The following NCOA1 variants were observed in gnomAD, a reference collection of about 807,000 sequenced individuals.
The protein encoded by NCOA1 is nuclear receptor coactivator 1.
Under a neutral mutation model 150.9 loss-of-function variants are expected in NCOA1, and 35 were observed. That is an observed-to-expected ratio of 0.23 (90% CI 0.18 to 0.31). The LOEUF (loss-of-function observed/expected upper bound fraction) is 0.31. Among genes scored for constraint, NCOA1 ranks in the 10% least tolerant of loss-of-function variants. The pLI is 1.00. For synonymous variants in NCOA1, 590 were observed against 630.0 expected (o/e 0.94, Z 0.95); for missense variants, 1,491 against 1,749.3 (o/e 0.85, Z 2.63).
chr2:24,764,355 T>C (rs2148704052), intron 22 of NCOA1, among the ~76,000 whole-genome samples: 1 of 152,262 alleles, frequency 6.6e-6, no homozygotes, highest in South Asian at 2.1e-4. Flanking sequence ...AGAAGGCAAA[T>C]TATTAAATTT....
intron 1 of NCOA1, among the ~76,000 whole-genome samples, chr2:24,534,508 C>T (rs1044125376): frequency 6.6e-6 from 1 of 151,452 alleles, no homozygotes; most frequent in Non-Finnish European, 1.5e-5. Flanking sequence ...AATTTGTTTG[C>T]TCTTGCTTCT....
intron 11 of NCOA1, among the ~76,000 whole-genome samples, chr2:24,704,516 C>T (rs1168795806): frequency 6.6e-6 from 1 of 152,172 alleles, no homozygotes; most frequent in Admixed American, 6.5e-5. Flanking sequence ...GTGGCTTACG[C>T]CTGTAATCAC....
intron 22 of NCOA1, among the ~76,000 whole-genome samples, chr2:24,767,429 T>C (rs1665124298): frequency 6.6e-6 from 1 of 152,214 alleles, no homozygotes; most frequent in Non-Finnish European, 1.5e-5. Context: ...GGCTGGTTGG[T>C]AAAGACTAAC....
intron 7 of NCOA1, among the ~76,000 whole-genome samples, chr2:24,682,335 G>A (rs1361620820): frequency 6.6e-6 from 1 of 152,140 alleles, no homozygotes; most frequent in Non-Finnish European, 1.5e-5. Flanking sequence ...TGTCTGCACC[G>A]AGTCAGGCAC....
In NCOA1 at chr2:24,707,903, G is replaced by A; in HGVS notation, c.2418+15G>A. 6.4e-7 allele frequency: 1 copy of A among 1,568,620 alleles called. No homozygotes were observed. The highest frequency in any genetic ancestry group is 8.6e-7 in the Non-Finnish European group (1 of 1,164,984). On this transcript the variant is annotated intron_variant, in intron 13 of 22. Transcript: ENST00000348332. ...CCCAGAGCCAGGTGGGTAACTGCTT[G>A]CTTCACAGAATGGTCATTCTTAGTA...
At chr2:24,692,073 A>T (rs938516461) in intron 9 of NCOA1, among the ~76,000 whole-genome samples, 1 of 151,968 alleles carries the variant, frequency 6.6e-6, no homozygotes, top group Non-Finnish European at 1.5e-5. Flanking sequence ...TTCAGGCTAT[A>T]CAAGGTAATT....
At position 24,524,063 on chromosome 2, in the gene NCOA1, C is replaced by T. The variant is rs148308547; in HGVS notation, c.-396+32461C>T. On this transcript the variant is annotated intron_variant, in intron 1 of 22. Transcript: ENST00000348332. ...TTTAGGCAGAGCTTGAACTTTATGA[C>T]AAATGATAAACTTTGCACAAAAATA... Among the ~76,000 whole-genome samples the T allele has an allele frequency of 4.7e-5, 7 of 149,324 alleles. No homozygotes were observed. In the East Asian group the frequency reaches 1.2e-3, roughly 26 times the overall value.
At chr2:24,684,064 G>A (rs921394737) in intron 8 of NCOA1, among the ~76,000 whole-genome samples, 2 of 152,136 alleles carry the variant, frequency 1.3e-5, no homozygotes, top group Non-Finnish European at 2.9e-5. Flanking sequence ...CTACCATACC[G>A]TTTAGTATGG....
At chr2:24,637,857 G>A (rs1378435627) in intron 3 of NCOA1, among the ~76,000 whole-genome samples, 10 of 152,028 alleles carry the variant, frequency 6.6e-5, no homozygotes, top group African/African-American at 2.4e-4. Context: ...CACCATGTCC[G>A]GCTAATTTTG....
At chr2:24,735,777 G>A (rs1055205433) in intron 17 of NCOA1, among the ~76,000 whole-genome samples, 2 of 152,138 alleles carry the variant, frequency 1.3e-5, no homozygotes, top group African/African-American at 4.8e-5. Flanking sequence ...AAAGCAATAC[G>A]AAGTTACAAG....
At chr2:24,621,465 T>TG (rs1669158890) in intron 3 of NCOA1, among the ~76,000 whole-genome samples, 1 of 96,724 alleles carries the variant, frequency 1.0e-5, no homozygotes, top group Non-Finnish European at 2.2e-5. Flanking sequence ...TTTTTTTTTT[T>TG]GAGACAGAGT....
rs1321046330 is a variant in NCOA1 at position 24,768,444 on chromosome 2, ATATAT to A, written c.*59_*63del. ...ATAATAGACATACAGAGATATACAA[ATATAT>A]TATATATTTTTCTGAGATTTTTGAT... On this transcript the variant is annotated 3_prime_UTR_variant, in exon 23 of 23. Transcript: ENST00000348332. 1.9e-5 allele frequency: 23 copies of A among 1,239,340 alleles called. No homozygotes were observed. The highest frequency in any genetic ancestry group is 8.7e-5 in the South Asian group (3 of 34,620). The allele number at this position is 1,239,340 out of a possible 1,614,324, so 76.8% of individuals were successfully genotyped here.
Position 24,758,020 on chromosome 2 carries a change from G to C in NCOA1, c.3929G>C (p.Gly1310Ala), listed in dbSNP as rs774112909. The change falls in exon 21 of 23, where the codon GGA (glycine) becomes GCA (alanine). Residue 1310 changes from glycine (G) to alanine (A), a missense_variant. Around this residue, in one of 8 missense-constraint regions of NCOA1, gnomAD observed 485 missense variants for 522.8 expected, o/e 0.93. Coordinates refer to ENST00000348332, the MANE Select transcript of NCOA1 (RefSeq NM_003743.5). Reference protein sequence around the residue: ...VQNQPTPAQPGVYNNMSITVS... With the variant: ...VQNQPTPAQPAVYNNMSITVS... ...AACCAGCCCACGCCTGCACAGCCAG[G>C]AGTATACAACAACATGAGCATCACC... 28 of 1,614,002 alleles carry C rather than the reference G, an allele frequency of 1.7e-5. No individual in the cohort carries two copies. The African/African-American group carries it at 3.5e-4, about 20-fold the overall frequency.
At chr2:24,727,863 A>G (rs1447128907) in intron 15 of NCOA1, among the ~76,000 whole-genome samples, 2 of 152,232 alleles carry the variant, frequency 1.3e-5, no homozygotes, top group Admixed American at 1.3e-4. Flanking sequence ...AAAAGTTAAT[A>G]TAATATGTAC....
chr2:24,732,748 TTTCTCTTTTTGC>T (rs780646403), intron 17 of NCOA1, among the ~76,000 whole-genome samples: 4 of 152,212 alleles, frequency 2.6e-5, no homozygotes, highest in Non-Finnish European at 5.9e-5. Flanking sequence ...ACCCAGGTTC[TTTCTCTTTTTGC>T]TCTGCAATCC....
chr2:24,708,022 G>C, intron 13 of NCOA1, 134 bp downstream of exon 13: 4 of 1,158,440 alleles, frequency 3.5e-6, no homozygotes, highest in Non-Finnish European at 4.7e-6. Flanking sequence ...TAAGAGGTTA[G>C]TATCAATAAC....
intron 2 of NCOA1, among the ~76,000 whole-genome samples, chr2:24,567,314 T>C (rs1334416291): frequency 6.6e-6 from 1 of 152,268 alleles, no homozygotes; most frequent in Non-Finnish European, 1.5e-5. Context: ...ATTAAATATA[T>C]AGTTCGTCTT....
intron 7 of NCOA1, among the ~76,000 whole-genome samples, chr2:24,675,629 A>G (rs1194411873): frequency 2.6e-5 from 4 of 152,264 alleles, no homozygotes; most frequent in Admixed American, 2.6e-4. Context: ...TCACGCCTAT[A>G]ATCCCAGCAC....
At chr2:24,722,853 G>T (rs1469667328) in intron 14 of NCOA1, among the ~76,000 whole-genome samples, 7 of 151,926 alleles carry the variant, frequency 4.6e-5, no homozygotes, top group African/African-American at 1.7e-4. Context: ...AGCCAGGCAT[G>T]GTGGTATGCA....
Sources: gnomAD v4.1 joint callset for allele counts (sites outside exome capture counted in the v4.1 genomes callset) on GRCh38, gnomAD v4.1.1 for gene constraint, gnomAD v4.1.1 regional missense constraint, MANE v1.5 for transcripts, NCBI Gene and HGNC (gene_info 2026-07-23, HGNC 2026-07-21) for gene names.